Variants in FAM110B observed in about 807,000 individuals in gnomAD.
The protein encoded by FAM110B is protein FAM110B.
Under a neutral mutation model 20.4 loss-of-function variants are expected in FAM110B, and 6 were observed. The ratio of observed to expected loss-of-function variants is 0.29; its 90% CI spans 0.16 to 0.58. FAM110B has a LOEUF of 0.58. Among genes scored for constraint, FAM110B ranks in the 20% least tolerant of loss-of-function variants. The probability of loss-of-function intolerance (pLI) is 0.90; values close to 1 mark genes in which losing one functional copy is unlikely to be tolerated. For missense variants in FAM110B, 434 were observed against 498.2 expected, an observed-to-expected ratio of 0.87 and a Z score of 1.23; for synonymous variants, 226 against 214.1, an observed-to-expected ratio of 1.06 and a Z score of -0.49.
At chr8:58,066,591 A>G (rs370623057) in intron 2 of FAM110B, among the ~76,000 whole-genome samples, 1 of 149,090 alleles carries the variant, frequency 6.7e-6, no homozygotes, top group African/African-American at 2.6e-5. Flanking sequence ...CAGAAAAGGA[A>G]GGGGCACAAG....
At chr8:58,077,137 C>G (rs1037081334) in intron 3 of FAM110B, 1 of 152,094 alleles carries the variant, frequency 6.6e-6, no homozygotes, top group Non-Finnish European at 1.5e-5. Flanking sequence ...ATATAAGAAG[C>G]TCTGATACGA....
intron 3 of FAM110B, among the ~76,000 whole-genome samples, chr8:58,139,970 A>T (rs915776796): frequency 6.6e-6 from 1 of 152,170 alleles, no homozygotes; most frequent in African/African-American, 2.4e-5. Context: ...TAAAATGGAT[A>T]AAGGAAGCAA....
Position 58,019,524 on chromosome 8 carries a change from A to T in FAM110B, c.-511-12082A>T, listed in dbSNP as rs187149517. 5.1e-4 allele frequency among the ~76,000 whole-genome samples: 77 copies of T among 152,042 alleles called. No homozygotes were observed. In the South Asian group the frequency reaches 9.3e-3, roughly 18 times the overall value. On this transcript the variant is annotated intron_variant, in intron 1 of 3. Coordinates refer to ENST00000519262, the MANE Select transcript of FAM110B (RefSeq NM_001377989.1). ...GCCTGAAGAACTTTCTCTATTGTTT[A>T]TTATAGGGTAGGTCTGCTGGTGATT...
intron 3 of FAM110B, among the ~76,000 whole-genome samples, chr8:58,082,483 C>T (rs774488981): frequency 6.6e-6 from 1 of 152,190 alleles, no homozygotes; most frequent in Non-Finnish European, 1.5e-5. Context: ...CTCAGAGTTC[C>T]TTATGACTGT....
chr8:58,052,133 G>A (rs1805457708), intron 2 of FAM110B, among the ~76,000 whole-genome samples: 2 of 152,190 alleles, frequency 1.3e-5, no homozygotes, highest in African/African-American at 4.8e-5. Context: ...TGTGAGGCTG[G>A]GCACTGGACA....
At chr8:58,139,629 A>T (rs1803696136) in intron 3 of FAM110B, among the ~76,000 whole-genome samples, 1 of 152,226 alleles carries the variant, frequency 6.6e-6, no homozygotes, top group African/African-American at 2.4e-5. Flanking sequence ...AGAGAAGGAA[A>T]AGGGAAGATG....
chr8:58,053,422 G>A (rs1805492444), intron 2 of FAM110B, among the ~76,000 whole-genome samples: 2 of 151,878 alleles, frequency 1.3e-5, no homozygotes, highest in Non-Finnish European at 2.9e-5. Context: ...GAAAGATGCT[G>A]CCATTAACTG....
intron 2 of FAM110B, among the ~76,000 whole-genome samples, chr8:58,034,622 T>C (rs1041599315): frequency 2.6e-5 from 4 of 152,206 alleles, no homozygotes. Flanking sequence ...AGAATTACGA[T>C]AGTGCCCAGA....
chr8:58,042,850 CT>C (rs1805247881), intron 2 of FAM110B, among the ~76,000 whole-genome samples: 1 of 152,172 alleles, frequency 6.6e-6, no homozygotes, highest in African/African-American at 2.4e-5. Flanking sequence ...CATGCCAGGA[CT>C]TTTTCTGGTT....
chr8:58,083,195 G>A (rs1806245373), intron 3 of FAM110B, among the ~76,000 whole-genome samples: 1 of 152,142 alleles, frequency 6.6e-6, no homozygotes. Context: ...AGGGCTGGAA[G>A]CGCTATTTCA....
At chr8:58,077,977 A>T (rs1197012286) in intron 3 of FAM110B, among the ~76,000 whole-genome samples, 1 of 152,206 alleles carries the variant, frequency 6.6e-6, no homozygotes, top group Admixed American at 6.5e-5. Flanking sequence ...AAACATTTTT[A>T]AAAGTGCTTT....
At chr8:58,095,099 C>G (rs1806588305) in intron 3 of FAM110B, among the ~76,000 whole-genome samples, 1 of 151,900 alleles carries the variant, frequency 6.6e-6, no homozygotes, top group Non-Finnish European at 1.5e-5. Flanking sequence ...GGTGATATCC[C>G]CTTTATCATT....
rs141601896 is a variant in FAM110B, at chr8:58,090,400, G to C, written c.-325+14777G>C. On this transcript the variant is annotated intron_variant, in intron 3 of 3. Transcript: ENST00000519262. ...GGTCTCAAACTCCTAAGCTCAGGCA[G>C]TTTGCCTGCCTCAGCCTCCCAAAGT... is the stretch of plus-strand genomic sequence containing the variant. Among the ~76,000 whole-genome samples the C allele has an allele frequency of 2.4e-3, 367 of 152,294 alleles. 2 individuals carry two copies. Among genetic ancestry groups the C allele is most frequent in the African/African-American group, 8.3e-3 (344 of 41,576 alleles).
At chr8:58,001,487 C>G (rs1400396236) in intron 1 of FAM110B, among the ~76,000 whole-genome samples, 4 of 152,228 alleles carry the variant, frequency 2.6e-5, no homozygotes, top group East Asian at 3.9e-4. Flanking sequence ...TGTGTTTTAA[C>G]TCATGTGGCC....
In FAM110B at chr8:58,094,111, T is replaced by C. The variant is rs140237345; in HGVS notation, c.-325+18488T>C. On this transcript the variant is annotated intron_variant, in intron 3 of 3. Transcript: ENST00000519262. Reference sequence around the variant, plus strand: ...ACACATTGATTTTGTATTCTGAGACTTTGCTGAAGTGGCTTATCATCTTAA... The same window carrying C: ...ACACATTGATTTTGTATTCTGAGACCTTGCTGAAGTGGCTTATCATCTTAA... Among the ~76,000 whole-genome samples, 546 of 152,350 alleles carry C rather than the reference T, an allele frequency of 3.6e-3. 3 individuals are homozygous for C. The highest frequency in any genetic ancestry group is 0.013 in the African/African-American group (528 of 41,590).
chr8:58,010,724 C>T (rs1340779163), intron 1 of FAM110B, among the ~76,000 whole-genome samples: 1 of 152,208 alleles, frequency 6.6e-6, no homozygotes, highest in Non-Finnish European at 1.5e-5. Flanking sequence ...ATATCACTCC[C>T]AGCTCTGCTG....
chr8:58,090,172 G>A (rs1206887200), intron 3 of FAM110B, among the ~76,000 whole-genome samples: 1 of 152,168 alleles, frequency 6.6e-6, no homozygotes, highest in Non-Finnish European at 1.5e-5. Context: ...GGGGGGCAGG[G>A]GGGCGGAGAC....
chr8:58,103,728 A>T (rs1020519539), intron 3 of FAM110B, among the ~76,000 whole-genome samples: 1 of 152,152 alleles, frequency 6.6e-6, no homozygotes, highest in Non-Finnish European at 1.5e-5. Context: ...AGTGAACTTC[A>T]TGTCCCTCGG....
intron 1 of FAM110B, among the ~76,000 whole-genome samples, chr8:58,006,923 A>ATATATATATATATATATTTT: frequency 3.6e-4 from 45 of 126,520 alleles, no homozygotes; most frequent in African/African-American, 1.4e-3. Flanking sequence ...ATATATATAT[A>ATATATATATATATATATTTT]TTTTTCCAAA....
Sources: gnomAD v4.1 joint callset for allele counts (sites outside exome capture counted in the v4.1 genomes callset) on GRCh38, gnomAD v4.1.1 for gene constraint, MANE v1.5 for transcripts, NCBI Gene and HGNC (gene_info 2026-07-23, HGNC 2026-07-21) for gene names.